The following FMO3 variants were observed in gnomAD, a reference collection of about 807,000 sequenced individuals.
The protein encoded by FMO3 is flavin-containing monooxygenase 3.
FMO3 carries 40 observed loss-of-function variants against 39.4 expected under a neutral mutation model. That is an observed-to-expected ratio of 1.02 (90% CI 0.79 to 1.32). The LOEUF (loss-of-function observed/expected upper bound fraction) is 1.32. FMO3 is among the 40% of genes most tolerant of loss of function. FMO3 has a pLI of 0.00. For missense variants in FMO3, 680 were observed against 651.8 expected, an observed-to-expected ratio of 1.04 and a Z score of -0.47; for synonymous variants, 219 against 228.8, an observed-to-expected ratio of 0.96 and a Z score of 0.39.
At chr1:171,102,409 C>A (rs1414314237) in intron 2 of FMO3, among the ~76,000 whole-genome samples, 1 of 152,170 alleles carries the variant, frequency 6.6e-6, no homozygotes, top group Non-Finnish European at 1.5e-5. Flanking sequence ...GGCTCCACCT[C>A]TTCCTAATCA....
intron 5 of FMO3, among the ~76,000 whole-genome samples, chr1:171,109,176 G>T (rs1025671482): frequency 7.9e-5 from 12 of 152,124 alleles, no homozygotes; most frequent in African/African-American, 2.4e-5. Context: ...AATGTCAATT[G>T]TCTTCTTGAA....
intron 2 of FMO3, among the ~76,000 whole-genome samples, chr1:171,096,778 T>TAAAA (rs1439766696): frequency 9.5e-6 from 1 of 105,392 alleles, no homozygotes; most frequent in Non-Finnish European, 1.9e-5. Flanking sequence ...TTAATATAAT[T>TAAAA]ATATTAAAAA....
chr1:171,095,115 T>TC (rs1297989398), intron 2 of FMO3, among the ~76,000 whole-genome samples: 1 of 152,156 alleles, frequency 6.6e-6, no homozygotes, highest in Non-Finnish European at 1.5e-5. Context: ...TTTGTGGTTT[T>TC]CCCCAAAGAG....
chr1:171,106,939 T>A (rs1655666470), intron 3 of FMO3, among the ~76,000 whole-genome samples: 2 of 152,240 alleles, frequency 1.3e-5, no homozygotes. Context: ...CCATAAGTGC[T>A]CATTTTATTA....
At chr1:171,110,344 C>A (rs530141523) in intron 5 of FMO3, among the ~76,000 whole-genome samples, 1 of 152,104 alleles carries the variant, frequency 6.6e-6, no homozygotes, top group African/African-American at 2.4e-5. Flanking sequence ...TTATTAGTCA[C>A]CTGTAGCAGA....
chr1:171,101,762 C>G (rs760135608), intron 2 of FMO3: 26 of 516,658 alleles, frequency 5.0e-5, no homozygotes, highest in Admixed American at 4.0e-4. Context: ...GGCCTAATCA[C>G]AGGCCACATT....
At chr1:171,091,608 A>AGAG (rs1268465897) in intron 1 of FMO3, among the ~76,000 whole-genome samples, 1 of 149,016 alleles carries the variant, frequency 6.7e-6, no homozygotes, top group Non-Finnish European at 1.5e-5. Context: ...CACCCCCCGG[A>AGAG]GAGAAGGTCT....
chr1:171,108,315 A>G, intron 5 of FMO3, 94 bp downstream of exon 5: 1 of 1,448,716 alleles, frequency 6.9e-7, no homozygotes, highest in Admixed American at 1.8e-5. Flanking sequence ...GGAGGAGGGA[A>G]GGGTATCTGA....
Position 171,111,023 on chromosome 1 carries a change from C to G in FMO3, c.827+26C>G, listed in dbSNP as rs746388938. ...GTAATGCAGAGCTAAACGTGATATG[C>G]CTGCTGGCTTTTAGTTCAGTGTCAA... On this transcript the variant is annotated intron_variant, in intron 6 of 8. Transcript: ENST00000367755. 5 of 1,587,186 alleles carry G rather than the reference C, an allele frequency of 3.2e-6. No homozygotes were observed. The Admixed American group carries it at 5.0e-5, about 16-fold the overall frequency.
chr1:171,101,669 T>G, intron 2 of FMO3: 1 of 480,420 alleles, frequency 2.1e-6, no homozygotes, highest in Non-Finnish European at 4.3e-6. Flanking sequence ...TAGTTCTGAC[T>G]TCTAACCCTG....
In FMO3 at chr1:171,116,255, G is replaced by T; in HGVS notation, c.1231G>T (p.Glu411Ter). The stretch of plus-strand genomic sequence containing the variant: ...GGAAGACATGATGAATGATATTAAT[G>T]AGAAAATGGAGAAAAAGCGCAAATG... ...SMEDMMNDIN[E>*]KMEKKRKWFG... is the part of the protein sequence containing the mutation. The change falls in exon 8 of 9, where the codon GAG becomes TAG. Residue 411 changes from glutamate to a stop codon, truncating the protein, a stop_gained. Coordinates refer to ENST00000367755, the MANE Select transcript of FMO3 (RefSeq NM_001002294.3). LOFTEE classifies it low-confidence loss of function (END_TRUNC). 1 of 1,599,460 alleles carries T rather than the reference G, an allele frequency of 6.3e-7. No individual in the cohort carries two copies. Among genetic ancestry groups the T allele is most frequent in the South Asian group, 1.1e-5 (1 of 90,622 alleles).
rs537420749 is a variant in FMO3 at position 171,092,605 on chromosome 1, A to G, written c.-6-48A>G. The stretch of plus-strand genomic sequence containing the variant: ...AATAAATAGATAAATAAGTAAATAC[A>G]TTTTCAGCAATGTTGTTACTGGAAA... On this transcript the variant is annotated intron_variant, in intron 1 of 8. Transcript: ENST00000367755. 4.7e-5 allele frequency: 75 copies of G among 1,605,222 alleles called. 1 individual carries two copies. In the South Asian group the frequency reaches 6.8e-4, roughly 15 times the overall value.
chr1:171,103,773 A>G lies in FMO3; in HGVS notation c.133-12A>G. ...TACCAATTCGCTTCCATTTGATACT[A>G]TACATTCACAGGACCATGCAGAGGA... is the stretch of plus-strand genomic sequence containing the variant. On this transcript the variant is annotated splice_polypyrimidine_tract_variant and intron_variant, in intron 2 of 8. Transcript: ENST00000367755. 6.2e-7 allele frequency: 1 copy of G among 1,607,936 alleles called. No homozygotes were observed. The highest frequency in any genetic ancestry group is 8.5e-7 in the Non-Finnish European group (1 of 1,174,446).
rs28363572 is a variant in FMO3, at chr1:171,112,005, T to G, written c.827+1008T>G. The stretch of plus-strand genomic sequence containing the variant: ...TCAGAGTATGTCTCAGGGAGGAGAC[T>G]TTTAAGAAAACCTCTGAAGGAGTTG... On this transcript the variant is annotated intron_variant, in intron 6 of 8. Transcript: ENST00000367755. 5.3e-5 allele frequency among the ~76,000 whole-genome samples: 8 copies of G among 152,168 alleles called. No homozygotes were observed. The East Asian group carries it at 1.5e-3, about 29-fold the overall frequency.
rs755166406 is a variant in FMO3, at chr1:171,110,793, T to C, written c.628-5T>C. On this transcript the variant is annotated splice_region_variant and splice_polypyrimidine_tract_variant and intron_variant, in intron 5 of 8. Coordinates refer to ENST00000367755, the MANE Select transcript of FMO3 (RefSeq NM_001002294.3). Reference sequence around the variant, plus strand: ...AATTTCATGGTTGAATTGGTGTTTTTTAAGGTCATGATCAGTTCCAGAAGT... The same window carrying C: ...AATTTCATGGTTGAATTGGTGTTTTCTAAGGTCATGATCAGTTCCAGAAGT... 6.8e-6 allele frequency: 11 copies of C among 1,613,736 alleles called. No individual in the cohort carries two copies. Among genetic ancestry groups the C allele is most frequent in the Non-Finnish European group, 3.4e-6 (4 of 1,179,788 alleles).
At chr1:171,109,821 C>T (rs1655824477) in intron 5 of FMO3, among the ~76,000 whole-genome samples, 1 of 152,034 alleles carries the variant, frequency 6.6e-6, no homozygotes. Flanking sequence ...GGATTATAGG[C>T]GTGAGCCACC....
At chr1:171,093,795 G>A (rs1654826325) in intron 2 of FMO3, among the ~76,000 whole-genome samples, 1 of 139,244 alleles carries the variant, frequency 7.2e-6, no homozygotes, top group Non-Finnish European at 1.5e-5. Context: ...CCAACCAACA[G>A]TGTTTCCTTT....
intron 2 of FMO3, among the ~76,000 whole-genome samples, chr1:171,098,500 T>C (rs1451381101): frequency 1.3e-5 from 2 of 152,120 alleles, no homozygotes; most frequent in Non-Finnish European, 2.9e-5. Flanking sequence ...TGAAGAGGTC[T>C]TTCACATCCC....
chr1:171,095,882 T>TA, intron 2 of FMO3, among the ~76,000 whole-genome samples: 1 of 87,536 alleles, frequency 1.1e-5, no homozygotes, highest in Non-Finnish European at 2.1e-5. Flanking sequence ...TAAAATATAA[T>TA]TATATTATAT....
Sources: gnomAD v4.1 joint callset for allele counts (sites outside exome capture counted in the v4.1 genomes callset) on GRCh38, gnomAD v4.1.1 for gene constraint, MANE v1.5 for transcripts, NCBI Gene and HGNC (gene_info 2026-07-23, HGNC 2026-07-21) for gene names.